The following APC variants were observed in gnomAD, a reference collection of about 807,000 sequenced individuals.
APC encodes APC regulator of Wnt signaling pathway.
A neutral mutation model predicts 247.0 loss-of-function variants in APC; 72 were observed. The ratio of observed to expected loss-of-function variants is 0.29; its 90% CI spans 0.24 to 0.35. APC has a LOEUF of 0.35. Ranked by LOEUF, APC falls within the 10% of genes least tolerant of loss-of-function variation. The pLI, the probability that APC is intolerant of heterozygous loss-of-function variation, is 1.00. For missense variants in APC, 3,400 were observed against 3,360.7 expected (o/e 1.01, Z -0.29); for synonymous variants, 1,254 against 1,162.5 (o/e 1.08, Z -1.60).
chr5:112,789,951 C>T (rs1268223478), intron 6 of APC, among the ~76,000 whole-genome samples: 2 of 152,110 alleles, frequency 1.3e-5, no homozygotes, highest in African/African-American at 4.8e-5. Flanking sequence ...CCTCCGCCTC[C>T]CAGGCTCAAG....
chr5:112,720,326 T>C lies in APC; in HGVS notation c.165+12444T>C, dbSNP rs111465777. The stretch of plus-strand genomic sequence containing the variant: ...TTTTTTTCTCTTTGCTAGAAGAAAA[T>C]ACTAAGTCAAAGATTCCTATTATAG... On this transcript the variant is annotated intron_variant, in intron 1 of 13. Coordinates refer to the APC transcript ENST00000507379. Among the ~76,000 whole-genome samples the C allele has an allele frequency of 2.9e-3, 440 of 152,328 alleles. 1 individual carries two copies. Among genetic ancestry groups the C allele is most frequent in the African/African-American group, 0.01 (421 of 41,582 alleles).
intron 4 of APC, among the ~76,000 whole-genome samples, chr5:112,769,387 G>GA (rs965728371): frequency 6.6e-6 from 1 of 151,622 alleles, no homozygotes; most frequent in Non-Finnish European, 1.5e-5. Flanking sequence ...TTTAATACCT[G>GA]AAAAAAAATT....
chr5:112,771,240 T>C (rs1470408563), intron 4 of APC, among the ~76,000 whole-genome samples: 1 of 152,144 alleles, frequency 6.6e-6, no homozygotes, highest in Non-Finnish European at 1.5e-5. Context: ...AGTTTCTAAT[T>C]GCCTTTCTTT....
intron 7 of APC, among the ~76,000 whole-genome samples, chr5:112,799,143 C>G (rs1580447118): frequency 1.5e-5 from 2 of 132,714 alleles, no homozygotes; most frequent in South Asian, 5.0e-4. Flanking sequence ...GAGATTGCGC[C>G]ATTGCACTCC....
chr5:112,729,299 CATAG>C (rs1318521068), intron 1 of APC, among the ~76,000 whole-genome samples: 14 of 152,172 alleles, frequency 9.2e-5, no homozygotes, highest in South Asian at 6.2e-4. Flanking sequence ...TAAATAAATA[CATAG>C]ATAGAGCTTT....
chr5:112,810,802 C>T (rs1339581923), intron 8 of APC, among the ~76,000 whole-genome samples: 1 of 152,160 alleles, frequency 6.6e-6, no homozygotes, highest in Non-Finnish European at 1.5e-5. Flanking sequence ...GAAGCAGTAT[C>T]TTACTTGCGG....
At chr5:112,791,406 C>T (rs187439407) in intron 6 of APC, among the ~76,000 whole-genome samples, 2 of 152,164 alleles carry the variant, frequency 1.3e-5, no homozygotes, top group African/African-American at 4.8e-5. Context: ...CTGTTTAAAC[C>T]AGGGGTCCCC....
At chr5:112,795,059 C>T (rs1760054458) in intron 7 of APC, among the ~76,000 whole-genome samples, 1 of 152,132 alleles carries the variant, frequency 6.6e-6, no homozygotes, top group African/African-American at 2.4e-5. Flanking sequence ...CAGAGTCTCG[C>T]TCTGTAGCCC....
intron 1 of APC, among the ~76,000 whole-genome samples, chr5:112,726,353 G>T (rs946830670): frequency 6.6e-6 from 1 of 152,184 alleles, no homozygotes; most frequent in Non-Finnish European, 1.5e-5. Flanking sequence ...GCTGGAAGGG[G>T]GATGGAGTGG....
rs267600320 is a variant in APC, at chr5:112,843,459, C to A, written c.7865C>A (p.Pro2622His). 6.2e-7 allele frequency: 1 copy of A among 1,613,720 alleles called. No individual in the cohort carries two copies. Reference sequence around the variant, plus strand: ...AAAATAAAAGAAAATGAATTTTCTCCCACAAATAGTACTTCTCAGACCGTT... The same window carrying A: ...AAAATAAAAGAAAATGAATTTTCTCACACAAATAGTACTTCTCAGACCGTT... ...WRKIKENEFSPTNSTSQTVSS... is the reference protein window; with the variant it reads ...WRKIKENEFSHTNSTSQTVSS... Residue 2622 changes from proline (P) to histidine (H), a missense_variant, in exon 16 of 16, where the codon CCC (proline) becomes CAC (histidine). This residue lies in a region of APC where 1,788 missense variants were observed against 1,649.5 expected (regional missense o/e 1.08). Transcript: ENST00000257430. The surrounding 1 kb of genome is among the most constrained non-coding windows in gnomAD (Gnocchi z 4.8).
chr5:112,768,490 A>C (rs930461033), intron 4 of APC, among the ~76,000 whole-genome samples: 1 of 151,286 alleles, frequency 6.6e-6, no homozygotes, highest in Non-Finnish European at 1.5e-5. Context: ...GGCCCACTAC[A>C]AGTGGCCACA....
At chr5:112,738,407 G>T (rs919197833) in intron 1 of APC, 3 of 985,712 alleles carry the variant, frequency 3.0e-6, no homozygotes, top group Non-Finnish European at 3.6e-6. Flanking sequence ...GCAGATGGCT[G>T]ATGTGAATCT....
chr5:112,782,363 G>A lies in APC; in HGVS notation c.645+1460G>A, dbSNP rs76126959. On this transcript the variant is annotated intron_variant, in intron 6 of 15. Coordinates refer to ENST00000257430, the MANE Select transcript of APC (RefSeq NM_000038.6). The stretch of plus-strand genomic sequence containing the variant: ...AGCTGCAAGATGAGATTTGGGTGGG[G>A]ACACAGCCAAACCATATCACCCAGC... Among the ~76,000 whole-genome samples the A allele has an allele frequency of 6.6e-6, 1 of 152,080 alleles. No individual in the cohort carries two copies. The highest frequency in any genetic ancestry group is 1.5e-5 in the Non-Finnish European group (1 of 68,020).
chr5:112,718,216 TTG>T (rs1166097132), intron 1 of APC, among the ~76,000 whole-genome samples: 1 of 152,120 alleles, frequency 6.6e-6, no homozygotes, highest in Non-Finnish European at 1.5e-5. Flanking sequence ...AATTCCAATG[TTG>T]GGAAGTCTCT....
chr5:112,813,653 C>T (rs371090235), intron 8 of APC, among the ~76,000 whole-genome samples: 35 of 151,766 alleles, frequency 2.3e-4, no homozygotes, highest in African/African-American at 6.5e-4. Context: ...CTCATTGGCT[C>T]GTGCCTGTAG....
intron 2 of APC, among the ~76,000 whole-genome samples, chr5:112,759,429 C>T (rs1052339577): frequency 4.2e-5 from 6 of 143,534 alleles, no homozygotes; most frequent in East Asian, 4.1e-4. Flanking sequence ...ATGATCTTGG[C>T]TGTCTGCAAC....
rs769708176 is a variant in APC, at chr5:112,767,243, C to A, written c.275C>A (p.Ser92Tyr). 6.2e-7 allele frequency: 1 copy of A among 1,614,080 alleles called. No individual in the cohort carries two copies. Among genetic ancestry groups the A allele is most frequent in the Non-Finnish European group, 8.5e-7 (1 of 1,180,006 alleles). ...FPGVKLRSKM[S>Y]LRSYGSREGS... ...GGAGTAAAACTGCGGTCAAAAATGT[C>A]CCTCCGTTCTTATGGAAGCCGGGAA... The change falls in exon 4 of 16, where the codon TCC becomes TAC. Residue 92 changes from serine to tyrosine, a missense_variant. Around this residue, in one of 9 missense-constraint regions of APC, gnomAD observed 372 missense variants for 367.6 expected, o/e 1.01. Coordinates refer to ENST00000257430, the MANE Select transcript of APC (RefSeq NM_000038.6).
At chr5:112,785,911 T>C (rs1181755248) in intron 6 of APC, among the ~76,000 whole-genome samples, 2 of 152,118 alleles carry the variant, frequency 1.3e-5, no homozygotes, top group African/African-American at 4.8e-5. Context: ...TAAATATGAA[T>C]GGAAACTCAA....
rs771759712 is a variant in APC at position 112,834,945 on chromosome 5, T to G, written c.1744-6T>G. On this transcript the variant is annotated splice_polypyrimidine_tract_variant and splice_region_variant and intron_variant, in intron 14 of 15. Coordinates refer to ENST00000257430, the MANE Select transcript of APC (RefSeq NM_000038.6). The stretch of plus-strand genomic sequence containing the variant: ...ATTAGATGACCCATATTCTGTTTCT[T>G]ACTAGGAATCAACCCTCAAAAGCGT... 6.2e-7 allele frequency: 1 copy of G among 1,613,258 alleles called. No homozygotes were observed. Among genetic ancestry groups the G allele is most frequent in the Non-Finnish European group, 8.5e-7 (1 of 1,179,218 alleles).
Sources: allele counts gnomAD v4.1 joint callset (sites outside exome capture counted in the v4.1 genomes callset), GRCh38; gene constraint gnomAD v4.1.1; regional missense constraint gnomAD v4.1.1; non-coding constraint Gnocchi (gnomAD v3.1); transcripts MANE v1.5; gene names NCBI Gene and HGNC (gene_info 2026-07-23, HGNC 2026-07-21).